The following ATRNL1 variants were observed in gnomAD, a reference collection of about 807,000 sequenced individuals.
ATRNL1 encodes the protein attractin like 1.
ATRNL1 carries 95 observed loss-of-function variants against 182.7 expected under a neutral mutation model. The observed-to-expected ratio is 0.52, with a 90% CI of 0.44 to 0.62. The LOEUF (loss-of-function observed/expected upper bound fraction) is 0.62, where lower values mean the gene tolerates loss of function less well. Ranked by LOEUF, ATRNL1 falls within the 20% of genes least tolerant of loss-of-function variation. The probability of loss-of-function intolerance (pLI) is 0.00; values close to 1 mark genes in which losing one functional copy is unlikely to be tolerated. For missense variants in ATRNL1, 1,471 were observed against 1,679.5 expected (o/e 0.88, Z 2.17); for synonymous variants, 576 against 568.3 (o/e 1.01, Z -0.19).
At chr10:115,505,394 T>G (rs1554981058) in intron 24 of ATRNL1, among the ~76,000 whole-genome samples, 2 of 152,116 alleles carry the variant, frequency 1.3e-5, no homozygotes, top group African/African-American at 4.8e-5. Flanking sequence ...TCTGTTGTAA[T>G]AGGTATTTTA....
chr10:115,621,276 T>TATATATATATAGAGAGAGAGAGAGAG (rs1268020830), intron 26 of ATRNL1, among the ~76,000 whole-genome samples: 3 of 47,578 alleles, frequency 6.3e-5, no homozygotes, highest in African/African-American at 2.2e-4. Context: ...TATATATATA[T>TATATATATATAGAGAGAGAGAGAGAG]AGAGAGAGAG....
intron 15 of ATRNL1, among the ~76,000 whole-genome samples, chr10:115,289,104 A>G (rs1488358856): frequency 2.6e-5 from 4 of 152,174 alleles, no homozygotes; most frequent in Middle Eastern, 3.2e-3. Flanking sequence ...AGAAAGTCAC[A>G]TGTTACATGG....
At chr10:115,909,014 C>G (rs1555115209) in intron 28 of ATRNL1, among the ~76,000 whole-genome samples, 1 of 152,174 alleles carries the variant, frequency 6.6e-6, no homozygotes, top group Non-Finnish European at 1.5e-5. Flanking sequence ...ATCTTTACCT[C>G]TGGGTTTTCA....
chr10:115,327,243 AAAAC>A (rs1311256929), intron 18 of ATRNL1, among the ~76,000 whole-genome samples: 6 of 151,546 alleles, frequency 4.0e-5, no homozygotes, highest in Non-Finnish European at 7.4e-5. Flanking sequence ...TACAAGAAAA[AAAAC>A]AAACAACCCC....
chr10:115,283,346 G>A (rs1852459756), intron 14 of ATRNL1, among the ~76,000 whole-genome samples: 2 of 152,048 alleles, frequency 1.3e-5, no homozygotes, highest in Admixed American at 1.3e-4. Context: ...CTCAGGAGGT[G>A]GAGGTTGCAG....
At chr10:115,477,705 C>T (rs1368436219) in intron 24 of ATRNL1, among the ~76,000 whole-genome samples, 3 of 151,566 alleles carry the variant, frequency 2.0e-5, no homozygotes, top group South Asian at 2.1e-4. Context: ...AACAAATACT[C>T]GTTATCATGG....
At chr10:115,902,222 G>A (rs1274993938) in intron 28 of ATRNL1, among the ~76,000 whole-genome samples, 4 of 152,078 alleles carry the variant, frequency 2.6e-5, no homozygotes, top group Non-Finnish European at 5.9e-5. Flanking sequence ...TCTGCCCCAT[G>A]CTCTGCAGAC....
In ATRNL1 at chr10:115,944,549, C is replaced by A. The variant is rs1448473718; in HGVS notation, c.4019-109C>A. 7.8e-6 allele frequency: 7 copies of A among 898,438 alleles called. No individual in the cohort carries two copies. The African/African-American group carries it at 1.0e-4, about 13-fold the overall frequency. 55.7% of individuals were successfully genotyped at this position (898,438 alleles called of 1,614,324 possible). On this transcript the variant is annotated intron_variant, in intron 28 of 28. Coordinates refer to ENST00000355044, the MANE Select transcript of ATRNL1 (RefSeq NM_207303.4). ...TTGAAAACTTCCATTAACAGCCAAA[C>A]GTGTGATGACTAAATGAAAAGCAAT...
At chr10:115,690,568 A>C (rs1205710700) in intron 26 of ATRNL1, among the ~76,000 whole-genome samples, 1 of 152,122 alleles carries the variant, frequency 6.6e-6, no homozygotes, top group Non-Finnish European at 1.5e-5. Flanking sequence ...AGACCCCTGG[A>C]CCAGAGTACT....
chr10:115,274,719 AG>A (rs1369172429), intron 13 of ATRNL1, among the ~76,000 whole-genome samples: 5 of 152,226 alleles, frequency 3.3e-5, no homozygotes, highest in Non-Finnish European at 7.3e-5. Flanking sequence ...AGAACAGTGA[AG>A]GTGTATTGCT....
chr10:115,880,455 C>A (rs1241384287), intron 28 of ATRNL1, among the ~76,000 whole-genome samples: 1 of 152,144 alleles, frequency 6.6e-6, no homozygotes, highest in Non-Finnish European at 1.5e-5. Flanking sequence ...GAAACCCAGT[C>A]TCTACTAATA....
chr10:115,901,080 C>A (rs575907410), intron 28 of ATRNL1, among the ~76,000 whole-genome samples: 1 of 152,160 alleles, frequency 6.6e-6, no homozygotes, highest in Non-Finnish European at 1.5e-5. Context: ...GATATGGACT[C>A]TTCTACACTG....
intron 25 of ATRNL1, among the ~76,000 whole-genome samples, chr10:115,545,983 GT>G (rs1354304261): frequency 1.3e-5 from 2 of 152,148 alleles, no homozygotes; most frequent in African/African-American, 4.8e-5. Context: ...GCTTTCCCAT[GT>G]TTTAAATGAA....
chr10:115,623,280 AGACAG>A (rs1857891979), intron 26 of ATRNL1, among the ~76,000 whole-genome samples: 2 of 152,224 alleles, frequency 1.3e-5, no homozygotes, highest in Non-Finnish European at 2.9e-5. Context: ...AATCAGTTTC[AGACAG>A]ACCGCATTCT....
chr10:115,745,092 T>TG (rs1555068803), intron 27 of ATRNL1, among the ~76,000 whole-genome samples: 7 of 151,936 alleles, frequency 4.6e-5, no homozygotes, highest in African/African-American at 1.7e-4. Flanking sequence ...ATTTGTGCCT[T>TG]TATAGTTTTG....
chr10:115,693,493 G>C (rs1305570139), intron 26 of ATRNL1, among the ~76,000 whole-genome samples: 1 of 152,096 alleles, frequency 6.6e-6, no homozygotes, highest in Non-Finnish European at 1.5e-5. Flanking sequence ...AAGCTGAAAT[G>C]TAAGACAATT....
Position 115,467,240 on chromosome 10 carries a change from G to A in ATRNL1, c.3484G>A (p.Val1162Ile), listed in dbSNP as rs191427256. 253 of 1,601,726 alleles carry A rather than the reference G, an allele frequency of 1.6e-4. No homozygotes were observed. Among genetic ancestry groups the A allele is most frequent in the African/African-American group, 1.7e-4 (13 of 74,314 alleles). Residue 1162 changes from valine (V) to isoleucine (I), a missense_variant, in exon 23 of 29, where the codon GTC (valine) becomes ATC (isoleucine). Val to Ile is a conservative substitution (Grantham distance 29). Transcript: ENST00000355044. ...NNFNLNITWS[V>I]GSTAGTISGE... ...CTTTAATCTCAACATTACGTGGTCT[G>A]TCGGTTCAACAGGTAAAAAAATGTT... is the stretch of plus-strand genomic sequence containing the variant.
At chr10:115,797,561 C>T (rs971543896) in intron 27 of ATRNL1, among the ~76,000 whole-genome samples, 3 of 151,470 alleles carry the variant, frequency 2.0e-5, no homozygotes, top group East Asian at 2.0e-4. Context: ...ACAAAAAGTC[C>T]CTGCATCATG....
intron 21 of ATRNL1, among the ~76,000 whole-genome samples, chr10:115,452,100 T>TCTA (rs1368123873): frequency 4.0e-5 from 6 of 151,828 alleles, no homozygotes. Flanking sequence ...GACACGGGGG[T>TCTA]CTACTTGAGT....
Sources: allele counts gnomAD v4.1 joint callset (sites outside exome capture counted in the v4.1 genomes callset), GRCh38; gene constraint gnomAD v4.1.1; transcripts MANE v1.5; gene names NCBI Gene and HGNC (gene_info 2026-07-23, HGNC 2026-07-21).